The following ASXL3 variants were observed in gnomAD, a reference collection of about 807,000 sequenced individuals.
ASXL3 encodes putative Polycomb group protein ASXL3.
ASXL3 carries 34 observed loss-of-function variants against 170.6 expected under a neutral mutation model. The observed-to-expected ratio is 0.20, with a 90% CI of 0.15 to 0.27. The LOEUF (loss-of-function observed/expected upper bound fraction) is 0.27, where lower values mean the gene tolerates loss of function less well. Ranked by LOEUF, ASXL3 falls within the 10% of genes least tolerant of loss-of-function variation. The probability of loss-of-function intolerance (pLI) is 1.00; values close to 1 mark genes in which losing one functional copy is unlikely to be tolerated. For synonymous variants in ASXL3, 1,002 were observed against 989.1 expected, an observed-to-expected ratio of 1.01 and a Z score of -0.24; for missense variants, 2,592 against 2,695.3, an observed-to-expected ratio of 0.96 and a Z score of 0.85.
chr18:33,701,945 T>C (rs1433324812), intron 8 of ASXL3, among the ~76,000 whole-genome samples: 1 of 152,130 alleles, frequency 6.6e-6, no homozygotes, highest in African/African-American at 2.4e-5. Context: ...TATCTTCAAG[T>C]TTGCTGACAC....
At chr18:33,735,001 C>G (rs1319763247) in intron 10 of ASXL3, among the ~76,000 whole-genome samples, 1 of 152,034 alleles carries the variant, frequency 6.6e-6, no homozygotes, top group Non-Finnish European at 1.5e-5. Flanking sequence ...TTCACCTTTG[C>G]CTCAGGTTTA....
At chr18:33,581,589 T>A (rs1198836142) in intron 1 of ASXL3, among the ~76,000 whole-genome samples, 1 of 152,112 alleles carries the variant, frequency 6.6e-6, no homozygotes, top group Non-Finnish European at 1.5e-5. Flanking sequence ...TAAATGTGGC[T>A]TTGCCTTCAC....
At position 33,746,228 on chromosome 18, in the gene ASXL3, T is replaced by C. The variant is rs2067789711; in HGVS notation, c.6380T>C (p.Leu2127Pro). The part of the protein sequence containing the change: ...LKSADFSSYL[L>P]SEPQKPFTQL... Reference sequence around the variant, plus strand: ...AGTGCAGATTTCTCTTCCTATTTGCTTTCTGAGCCACAAAAGCCTTTTACC... The same window carrying C: ...AGTGCAGATTTCTCTTCCTATTTGCCTTCTGAGCCACAAAAGCCTTTTACC... The change falls in exon 12 of 12, where the codon CTT becomes CCT. Residue 2127 changes from leucine (L) to proline (P), a missense_variant. Coordinates refer to ENST00000269197, the MANE Select transcript of ASXL3 (RefSeq NM_030632.3). 10 of 1,613,866 alleles carry C rather than the reference T, an allele frequency of 6.2e-6. No individual in the cohort carries two copies. Among genetic ancestry groups the C allele is most frequent in the Non-Finnish European group, 8.5e-6 (10 of 1,179,900 alleles).
rs551242958 is a variant in ASXL3 at position 33,670,581 on chromosome 18, A to G, written c.478-92A>G. ...GAATTTAAGTCTCTTAAGAGGTTCTATGTAATGATGGACAAATGAGTCACT... is the reference window on the plus strand; with the variant it reads ...GAATTTAAGTCTCTTAAGAGGTTCTGTGTAATGATGGACAAATGAGTCACT... On this transcript the variant is annotated intron_variant, in intron 5 of 11. Transcript: ENST00000269197. The G allele has an allele frequency of 1.8e-5, 16 of 914,058 alleles. No individual in the cohort carries two copies. The East Asian group carries it at 2.8e-4, about 16-fold the overall frequency. The allele number at this position is 914,058 out of a possible 1,614,324, so 56.6% of individuals were successfully genotyped here.
rs1367074791 is a variant in ASXL3, at chr18:33,599,291, A to G, written c.55-8303A>G. On this transcript the variant is annotated intron_variant, in intron 1 of 11. Coordinates refer to ENST00000269197, the MANE Select transcript of ASXL3 (RefSeq NM_030632.3). ...GCTAAATTTCAGCCAGTCATTTGAT[A>G]TAAGTCTGTTTATTGTAAAACTCAT... is the stretch of plus-strand genomic sequence containing the variant. 2.0e-5 allele frequency among the ~76,000 whole-genome samples: 3 copies of G among 152,316 alleles called. No individual in the cohort carries two copies. In the South Asian group the frequency reaches 6.2e-4, roughly 32 times the overall value.
chr18:33,715,631 A>G (rs1827091735), intron 8 of ASXL3, among the ~76,000 whole-genome samples: 1 of 152,186 alleles, frequency 6.6e-6, no homozygotes, highest in Admixed American at 6.5e-5. Context: ...TATTTTTGTT[A>G]CTAACAATAA....
chr18:33,603,110 G>A (rs1446860173), intron 1 of ASXL3, among the ~76,000 whole-genome samples: 1 of 151,968 alleles, frequency 6.6e-6, no homozygotes, highest in Non-Finnish European at 1.5e-5. Context: ...TTTTTATTTT[G>A]CCGTCAAATA....
At chr18:33,609,039 T>G in intron 2 of ASXL3, 1 of 985,054 alleles carries the variant, frequency 1.0e-6, no homozygotes, top group Non-Finnish European at 1.2e-6. Flanking sequence ...TTTGTGCTAG[T>G]TGTTCCCCCA....
chr18:33,671,622 G>A, intron 6 of ASXL3, 125 bp from the exon 7 acceptor site: 1 of 758,988 alleles, frequency 1.3e-6, no homozygotes, highest in Non-Finnish European at 2.0e-6. Flanking sequence ...ATCAGATTGT[G>A]GCCAAAGGTA....
At chr18:33,713,238 G>GTTTTT (rs1568343410) in intron 8 of ASXL3, among the ~76,000 whole-genome samples, 1 of 44,506 alleles carries the variant, frequency 2.2e-5, no homozygotes, top group African/African-American at 8.5e-5. Flanking sequence ...GGTTTTTTTT[G>GTTTTT]TTTTGTTTTG....
chr18:33,714,644 C>T (rs571611179), intron 8 of ASXL3, among the ~76,000 whole-genome samples: 1 of 151,964 alleles, frequency 6.6e-6, no homozygotes, highest in African/African-American at 2.4e-5. Flanking sequence ...CCACGTTTTC[C>T]CCAACTCAGC....
chr18:33,695,118 G>A (rs1389185668), intron 8 of ASXL3, among the ~76,000 whole-genome samples: 1 of 151,968 alleles, frequency 6.6e-6, no homozygotes, highest in African/African-American at 2.4e-5. Flanking sequence ...AAATTATACT[G>A]TTATTTTATT....
At chr18:33,610,656 C>A (rs935486308) in intron 2 of ASXL3, among the ~76,000 whole-genome samples, 2 of 152,012 alleles carry the variant, frequency 1.3e-5, no homozygotes, top group Non-Finnish European at 2.9e-5. Context: ...ACCTAACACT[C>A]CTGGCTCTCG....
Position 33,744,065 on chromosome 18 carries a change from C to T in ASXL3, c.4217C>T (p.Ser1406Phe), listed in dbSNP as rs764749053. Residue 1406 changes from serine to phenylalanine, a missense_variant, in exon 12 of 12, where the codon TCT becomes TTT. Coordinates refer to ENST00000269197, the MANE Select transcript of ASXL3 (RefSeq NM_030632.3). ...SCSDSVAVTD[S>F]LVAHPTVAMF... is the part of the protein sequence containing the mutation. The stretch of plus-strand genomic sequence containing the variant: ...AGTGATTCTGTAGCGGTCACAGACT[C>T]TCTGGTTGCACACCCGACCGTCGCA... 4 of 1,614,038 alleles carry T rather than the reference C, an allele frequency of 2.5e-6. No homozygotes were observed. In the South Asian group the frequency reaches 3.3e-5, roughly 13 times the overall value.
intron 2 of ASXL3, among the ~76,000 whole-genome samples, chr18:33,637,372 A>C (rs1216192737): frequency 6.6e-6 from 1 of 152,150 alleles, no homozygotes; most frequent in East Asian, 1.9e-4. Context: ...AATAATATAT[A>C]TTAATGTATT....
intron 8 of ASXL3, among the ~76,000 whole-genome samples, chr18:33,696,051 G>A (rs564079911): frequency 1.3e-5 from 2 of 152,060 alleles, no homozygotes; most frequent in African/African-American, 2.4e-5. Flanking sequence ...ATTAGTGCCT[G>A]TTCTTTTAGT....
At chr18:33,582,742 T>G (rs899113199) in intron 1 of ASXL3, among the ~76,000 whole-genome samples, 1 of 139,564 alleles carries the variant, frequency 7.2e-6, no homozygotes, top group East Asian at 2.0e-4. Context: ...GTGTGTGTGT[T>G]TTCTTGGTAG....
intron 2 of ASXL3, among the ~76,000 whole-genome samples, chr18:33,620,060 A>T (rs922196516): frequency 6.6e-6 from 1 of 152,140 alleles, no homozygotes; most frequent in Non-Finnish European, 1.5e-5. Context: ...CCACTTGTTC[A>T]TCCACTCTCC....
chr18:33,741,421 A>AAATT (rs2067660061), intron 11 of ASXL3, among the ~76,000 whole-genome samples: 1 of 152,186 alleles, frequency 6.6e-6, no homozygotes, highest in Non-Finnish European at 1.5e-5. Context: ...ATTAATTAAT[A>AAATT]AATTAAGCAC....
Sources: allele counts gnomAD v4.1 joint callset (sites outside exome capture counted in the v4.1 genomes callset), GRCh38; gene constraint gnomAD v4.1.1; transcripts MANE v1.5; gene names NCBI Gene and HGNC (gene_info 2026-07-23, HGNC 2026-07-21).